Variants in ADGRL3 observed in about 807,000 individuals in gnomAD.
ADGRL3 encodes the protein calcium-independent alpha-latrotoxin receptor 3.
ADGRL3 carries 62 observed loss-of-function variants against 153.5 expected under a neutral mutation model. The observed-to-expected ratio is 0.40, with a 90% CI of 0.33 to 0.50. ADGRL3 has a LOEUF of 0.50. Among genes scored for constraint, ADGRL3 ranks in the 20% least tolerant of loss-of-function variants. The pLI is 0.47. For missense variants in ADGRL3, 1,641 were observed against 1,859.4 expected, an observed-to-expected ratio of 0.88 and a Z score of 2.16; for synonymous variants, 710 against 672.5, an observed-to-expected ratio of 1.06 and a Z score of -0.86.
chr4:61,925,838 A>G (rs958687930), intron 13 of ADGRL3, among the ~76,000 whole-genome samples: 3 of 152,194 alleles, frequency 2.0e-5, no homozygotes, highest in African/African-American at 7.2e-5. Flanking sequence ...CTCATGAACT[A>G]TATGTGAATA....
chr4:61,801,596 T>C (rs1298361632), intron 8 of ADGRL3, among the ~76,000 whole-genome samples: 1 of 152,074 alleles, frequency 6.6e-6, no homozygotes, highest in Non-Finnish European at 1.5e-5. Context: ...TTTAAATCAC[T>C]TAGCAATGAA....
chr4:61,504,848 C>CCATT (rs2098417058), intron 3 of ADGRL3, among the ~76,000 whole-genome samples: 2 of 152,100 alleles, frequency 1.3e-5, no homozygotes, highest in African/African-American at 2.4e-5. Flanking sequence ...TTTTCTTTAT[C>CCATT]CATTCATTCA....
At chr4:61,358,325 C>T (rs1161971483) in intron 1 of ADGRL3, among the ~76,000 whole-genome samples, 4 of 151,970 alleles carry the variant, frequency 2.6e-5, no homozygotes, top group East Asian at 3.9e-4. Context: ...GGGCCGGGAG[C>T]GGTGGCTCAC....
At chr4:61,843,892 T>A (rs1207010093) in intron 9 of ADGRL3, among the ~76,000 whole-genome samples, 1 of 151,926 alleles carries the variant, frequency 6.6e-6, no homozygotes, top group Non-Finnish European at 1.5e-5. Context: ...GTAGTGTGTG[T>A]CTGTAGTTCC....
intron 8 of ADGRL3, among the ~76,000 whole-genome samples, chr4:61,782,989 A>G (rs1389428126): frequency 6.6e-6 from 1 of 152,162 alleles, no homozygotes; most frequent in Non-Finnish European, 1.5e-5. Flanking sequence ...CCTCCTTAAG[A>G]ACTCTTGATT....
chr4:61,237,374 C>T (rs1020156930), intron 1 of ADGRL3, among the ~76,000 whole-genome samples: 2 of 152,110 alleles, frequency 1.3e-5, no homozygotes, highest in Admixed American at 1.3e-4. Flanking sequence ...GCTAACAGAG[C>T]TATGTTTGCT....
intron 2 of ADGRL3, among the ~76,000 whole-genome samples, chr4:61,389,183 A>G (rs1283945271): frequency 6.6e-6 from 1 of 152,224 alleles, no homozygotes; most frequent in Non-Finnish European, 1.5e-5. Flanking sequence ...GCAATAACTC[A>G]GGTGAGGTAT....
At chr4:61,569,646 C>A (rs778216606) in intron 4 of ADGRL3, among the ~76,000 whole-genome samples, 5 of 152,180 alleles carry the variant, frequency 3.3e-5, no homozygotes, top group African/African-American at 1.2e-4. Context: ...TTTGATTATT[C>A]TGGACATTTC....
chr4:61,614,356 C>T (rs1411192680), intron 5 of ADGRL3, among the ~76,000 whole-genome samples: 3 of 152,150 alleles, frequency 2.0e-5, no homozygotes, highest in Admixed American at 6.5e-5. Context: ...GATTGATCTT[C>T]TTAAGCAATT....
chr4:61,357,486 A>G (rs2096197302), intron 1 of ADGRL3, among the ~76,000 whole-genome samples: 1 of 152,148 alleles, frequency 6.6e-6, no homozygotes, highest in South Asian at 2.1e-4. Context: ...AAACTATTTA[A>G]TGTATATCAG....
At chr4:61,403,688 G>T (rs1179130807) in intron 2 of ADGRL3, among the ~76,000 whole-genome samples, 1 of 152,100 alleles carries the variant, frequency 6.6e-6, no homozygotes, top group African/African-American at 2.4e-5. Flanking sequence ...TAGGGAGTCA[G>T]ACGTGCAGTT....
chr4:61,519,583 T>C (rs2098517644), intron 4 of ADGRL3, among the ~76,000 whole-genome samples: 1 of 152,136 alleles, frequency 6.6e-6, no homozygotes, highest in Non-Finnish European at 1.5e-5. Flanking sequence ...GTAGAAAGAA[T>C]AAAGAAGAAT....
chr4:61,831,025 A>T (rs944138380), intron 9 of ADGRL3, among the ~76,000 whole-genome samples: 10 of 152,030 alleles, frequency 6.6e-5, no homozygotes, highest in Admixed American at 5.2e-4. Context: ...AATAGCTGGG[A>T]TTACAGGCAC....
chr4:61,236,738 A>G (rs1752998209), intron 1 of ADGRL3, among the ~76,000 whole-genome samples: 1 of 152,146 alleles, frequency 6.6e-6, no homozygotes, highest in Admixed American at 6.6e-5. Flanking sequence ...AAATTTCAGT[A>G]ATAATTTCTT....
chr4:61,858,956 GA>G (rs1228420310), intron 9 of ADGRL3, among the ~76,000 whole-genome samples: 1 of 152,184 alleles, frequency 6.6e-6, no homozygotes, highest in African/African-American at 2.4e-5. Flanking sequence ...ATATGGCTAA[GA>G]GACAATTAAA....
At chr4:61,800,649 A>G (rs981744111) in intron 8 of ADGRL3, among the ~76,000 whole-genome samples, 16 of 152,228 alleles carry the variant, frequency 1.1e-4, no homozygotes, top group Non-Finnish European at 1.9e-4. Flanking sequence ...ATAACGGAAG[A>G]TACTTGTTAG....
At chr4:61,299,663 G>A (rs1212082617) in intron 1 of ADGRL3, among the ~76,000 whole-genome samples, 1 of 152,082 alleles carries the variant, frequency 6.6e-6, no homozygotes, top group African/African-American at 2.4e-5. Context: ...TTAAAAATAA[G>A]ACGTTTATGT....
At chr4:61,510,616 T>G (rs191626095) in intron 3 of ADGRL3, among the ~76,000 whole-genome samples, 37 of 152,334 alleles carry the variant, frequency 2.4e-4, no homozygotes, top group African/African-American at 8.7e-4. Context: ...TCTATTGTTC[T>G]ATTTGTCTGT....
intron 17 of ADGRL3, among the ~76,000 whole-genome samples, chr4:61,949,242 G>T (rs942720521): frequency 6.6e-6 from 1 of 152,064 alleles, no homozygotes; most frequent in East Asian, 1.9e-4. Flanking sequence ...CCCGTGTTGG[G>T]TTCAACCAAT....
Sources: gnomAD v4.1 joint callset for allele counts (sites outside exome capture counted in the v4.1 genomes callset) on GRCh38, gnomAD v4.1.1 for gene constraint, MANE v1.5 for transcripts, NCBI Gene and HGNC (gene_info 2026-07-23, HGNC 2026-07-21) for gene names.